The following TAFA1 variants were observed in gnomAD, a reference collection of about 807,000 sequenced individuals.
TAFA1 encodes chemokine-like protein TAFA-1.
TAFA1 carries 4 observed loss-of-function variants against 18.5 expected under a neutral mutation model. The ratio of observed to expected loss-of-function variants is 0.22; its 90% CI spans 0.11 to 0.49. The LOEUF (loss-of-function observed/expected upper bound fraction) is 0.49. TAFA1 is among the 20% of genes least tolerant of loss of function. TAFA1 has a pLI of 0.98. For synonymous variants in TAFA1, 56 were observed against 55.2 expected (o/e 1.01, Z -0.06); for missense variants, 147 against 169.0 (o/e 0.87, Z 0.72).
At chr3:68,248,590 A>T (rs2107153423) in intron 2 of TAFA1, among the ~76,000 whole-genome samples, 1 of 152,032 alleles carries the variant, frequency 6.6e-6, no homozygotes, top group Middle Eastern at 3.4e-3. Flanking sequence ...ACTTAAGCAT[A>T]CCCTGAGAAT....
chr3:68,543,861 T>G (rs1202599663), intron 4 of TAFA1, among the ~76,000 whole-genome samples: 1 of 152,082 alleles, frequency 6.6e-6, no homozygotes, highest in Non-Finnish European at 1.5e-5. Context: ...TTGAACACAG[T>G]GTCATTGAGT....
chr3:68,090,714 T>C (rs2065020724), intron 2 of TAFA1, among the ~76,000 whole-genome samples: 1 of 152,218 alleles, frequency 6.6e-6, no homozygotes, highest in Admixed American at 6.5e-5. Context: ...GCAAAGTGTC[T>C]GGCACTCAAA....
intron 2 of TAFA1, among the ~76,000 whole-genome samples, chr3:68,141,560 G>C (rs944217012): frequency 1.3e-5 from 2 of 152,184 alleles, no homozygotes; most frequent in Admixed American, 1.3e-4. Flanking sequence ...TGCCCAACTA[G>C]ACACATGACC....
At chr3:68,005,945 G>A (rs1028047493) in intron 1 of TAFA1, among the ~76,000 whole-genome samples, 8 of 152,106 alleles carry the variant, frequency 5.3e-5, no homozygotes, top group Non-Finnish European at 1.0e-4. Flanking sequence ...ATTCATCAAT[G>A]CTATACAACA....
chr3:68,225,673 C>T (rs1358304060), intron 2 of TAFA1, among the ~76,000 whole-genome samples: 2 of 152,154 alleles, frequency 1.3e-5, no homozygotes, highest in Non-Finnish European at 2.9e-5. Flanking sequence ...GGTTCAAGTC[C>T]TGTCTCTATT....
intron 2 of TAFA1, among the ~76,000 whole-genome samples, chr3:68,375,193 G>C (rs935306744): frequency 6.6e-6 from 1 of 151,918 alleles, no homozygotes; most frequent in African/African-American, 2.4e-5. Flanking sequence ...TCTGCTTTTG[G>C]ATCAGTGCTT....
chr3:68,544,606 G>A lies in TAFA1; in HGVS notation c.*103G>A, dbSNP rs563933634. On this transcript the variant is annotated 3_prime_UTR_variant, in exon 5 of 5. Transcript: ENST00000478136. ...TACAAGCCAAATGGATTTCTTACTT[G>A]CACTTTGACTGGCTACCAGATAATC... 16 of 1,180,578 alleles carry A rather than the reference G, an allele frequency of 1.4e-5. No homozygotes were observed. The Admixed American group carries it at 3.1e-4, about 23-fold the overall frequency. The allele number at this position is 1,180,578 out of a possible 1,614,324, so 73.1% of individuals were successfully genotyped here.
At chr3:68,421,206 C>T (rs966478947) in intron 3 of TAFA1, among the ~76,000 whole-genome samples, 1 of 152,080 alleles carries the variant, frequency 6.6e-6, no homozygotes. Context: ...AAACTTTGTT[C>T]GACTTTGGGA....
chr3:68,299,249 G>A (rs1480999770), intron 2 of TAFA1, among the ~76,000 whole-genome samples: 1 of 152,160 alleles, frequency 6.6e-6, no homozygotes. Context: ...AGACAGCTAA[G>A]TTACTCTGAA....
chr3:68,294,112 T>G (rs2107283800), intron 2 of TAFA1, among the ~76,000 whole-genome samples: 1 of 152,328 alleles, frequency 6.6e-6, no homozygotes, highest in Admixed American at 6.5e-5. Context: ...TATAATATTC[T>G]TCACTGTCAA....
At chr3:68,081,103 A>G (rs2064892449) in intron 2 of TAFA1, among the ~76,000 whole-genome samples, 1 of 152,094 alleles carries the variant, frequency 6.6e-6, no homozygotes, top group Non-Finnish European at 1.5e-5. Flanking sequence ...AGTTGATCGC[A>G]TCGGCTCCTG....
intron 3 of TAFA1, among the ~76,000 whole-genome samples, chr3:68,450,164 C>T (rs1173278906): frequency 6.6e-6 from 1 of 152,120 alleles, no homozygotes; most frequent in Non-Finnish European, 1.5e-5. Flanking sequence ...ACAATATAAC[C>T]ATGGGATTCA....
intron 2 of TAFA1, among the ~76,000 whole-genome samples, chr3:68,329,016 G>T (rs955279656): frequency 6.6e-6 from 1 of 151,348 alleles, no homozygotes; most frequent in Middle Eastern, 3.5e-3. Context: ...TAAGCACTGT[G>T]ATTCTATCTG....
intron 2 of TAFA1, among the ~76,000 whole-genome samples, chr3:68,178,908 C>T (rs2066160474): frequency 6.6e-6 from 1 of 152,186 alleles, no homozygotes; most frequent in African/African-American, 2.4e-5. Flanking sequence ...AGTAGTATCT[C>T]TCTGAGCTTC....
At chr3:68,057,596 G>C (rs9822658) in intron 2 of TAFA1, among the ~76,000 whole-genome samples, 1 of 151,992 alleles carries the variant, frequency 6.6e-6, no homozygotes, top group African/African-American at 2.4e-5. Flanking sequence ...AAAGATGTGC[G>C]TATCCCAATC....
At chr3:68,237,327 A>G (rs1208943599) in intron 2 of TAFA1, among the ~76,000 whole-genome samples, 3 of 152,122 alleles carry the variant, frequency 2.0e-5, no homozygotes, top group African/African-American at 7.2e-5. Context: ...CTCATCACCT[A>G]ATCACCTCCC....
intron 4 of TAFA1, among the ~76,000 whole-genome samples, chr3:68,542,501 G>A (rs747359052): frequency 3.4e-4 from 51 of 152,036 alleles, no homozygotes; most frequent in Non-Finnish European, 6.6e-4. Flanking sequence ...TCAGATACAT[G>A]TCTATACCTT....
intron 2 of TAFA1, among the ~76,000 whole-genome samples, chr3:68,326,861 A>C (rs1350022146): frequency 1.3e-5 from 2 of 152,144 alleles, no homozygotes; most frequent in African/African-American, 2.4e-5. Context: ...AAACCACAAA[A>C]CAGAGTTTGG....
chr3:68,326,161 C>T (rs1273568824), intron 2 of TAFA1, among the ~76,000 whole-genome samples: 1 of 152,150 alleles, frequency 6.6e-6, no homozygotes, highest in Non-Finnish European at 1.5e-5. Flanking sequence ...TACGTATTTT[C>T]TTATTTTTAC....
Sources: gnomAD v4.1 joint callset for allele counts (sites outside exome capture counted in the v4.1 genomes callset) on GRCh38, gnomAD v4.1.1 for gene constraint, MANE v1.5 for transcripts, NCBI Gene and HGNC (gene_info 2026-07-23, HGNC 2026-07-21) for gene names.